The following DMC1 variants were observed in gnomAD, a reference collection of about 807,000 sequenced individuals.
DMC1 encodes DNA meiotic recombinase 1.
A neutral mutation model predicts 50.1 loss-of-function variants in DMC1; 27 were observed. The ratio of observed to expected loss-of-function variants is 0.54; its 90% CI spans 0.40 to 0.74. The LOEUF (loss-of-function observed/expected upper bound fraction) is 0.74. DMC1 is among the 30% of genes least tolerant of loss of function. DMC1 has a pLI of 0.00. For missense variants in DMC1, 295 were observed against 420.2 expected (o/e 0.70, Z 2.60); for synonymous variants, 148 against 136.1 (o/e 1.09, Z -0.61).
At chr22:38,535,863 C>T (rs939541786) in intron 12 of DMC1, among the ~76,000 whole-genome samples, 5 of 151,826 alleles carry the variant, frequency 3.3e-5, no homozygotes, top group Non-Finnish European at 5.9e-5. Context: ...CCACCTCGGC[C>T]TCCCAAAGTG....
chr22:38,566,274 G>C (rs975780683), intron 4 of DMC1, among the ~76,000 whole-genome samples: 1 of 67,682 alleles, frequency 1.5e-5, no homozygotes, highest in Non-Finnish European at 3.4e-5. Flanking sequence ...CTCTGTCTCA[G>C]AAAAAAAAAA....
At chr22:38,547,104 G>A (rs2090351609) in intron 8 of DMC1, among the ~76,000 whole-genome samples, 1 of 152,138 alleles carries the variant, frequency 6.6e-6, no homozygotes, top group Non-Finnish European at 1.5e-5. Context: ...GTCTTGCTAT[G>A]TTGCCCAGGC....
chr22:38,525,209 C>T (rs62228905), intron 12 of DMC1, among the ~76,000 whole-genome samples: 13,351 of 152,196 alleles, frequency 0.088, 1,417 homozygotes, highest in African/African-American at 0.25. Flanking sequence ...ACAGGGTACT[C>T]CATAAATATT....
At chr22:38,558,260 A>G (rs917561922) in intron 5 of DMC1, among the ~76,000 whole-genome samples, 1 of 151,946 alleles carries the variant, frequency 6.6e-6, no homozygotes. Context: ...TAAAGTTCTT[A>G]AAGAAAATAC....
Position 38,521,708 on chromosome 22 carries a change from T to A in DMC1, c.853A>T (p.Lys285Ter). 2 of 1,613,654 alleles carry A rather than the reference T, an allele frequency of 1.2e-6. No homozygotes were observed. Among genetic ancestry groups the A allele is most frequent in the Non-Finnish European group, 1.7e-6 (2 of 1,179,584 alleles). Residue 285 changes from lysine (K) to a stop codon, truncating the protein, a stop_gained, in exon 13 of 14, where the codon AAA becomes TAA. Transcript: ENST00000216024. LOFTEE classifies it high-confidence loss of function. Reference protein sequence around the residue: ...GATMTFQADPKKPIGGHILAH... With the variant: ...GATMTFQADP ...AGAATGTGTCCCCCAATGGGTTTTT[T>A]GGGATCTGCCTGAAAGCTGAATTAA...
At chr22:38,538,804 G>A (rs2090247623) in intron 9 of DMC1, among the ~76,000 whole-genome samples, 192 bp from the exon 10 acceptor site, 1 of 152,178 alleles carries the variant, frequency 6.6e-6, no homozygotes, top group South Asian at 2.1e-4. Context: ...GGAGGCCGAG[G>A]CAGGTGGATC....
At position 38,521,685 on chromosome 22, in the gene DMC1, A is replaced by G; in HGVS notation, c.876T>C (p.Ile292=). 6.2e-7 allele frequency: 1 copy of G among 1,614,016 alleles called. No homozygotes were observed. Among genetic ancestry groups the G allele is most frequent in the Non-Finnish European group, 8.5e-7 (1 of 1,179,964 alleles). The part of the protein sequence containing the change: ...ADPKKPIGGH[I]LAHASTTRIS... ...TTCTTGTTGTTGAAGCATGAGCCAGAATGTGTCCCCCAATGGGTTTTTTGG... is the reference window on the plus strand; with the variant it reads ...TTCTTGTTGTTGAAGCATGAGCCAGGATGTGTCCCCCAATGGGTTTTTTGG... Residue 292 remains isoleucine, a synonymous_variant, in exon 13 of 14, where the codon ATT becomes ATC. Transcript: ENST00000216024.
At chr22:38,510,542 A>G in the DMC1 span, among the ~76,000 whole-genome samples, 7 of 152,334 alleles carry the variant, frequency 4.6e-5, no homozygotes, top group African/African-American at 1.7e-4. Context: ...TTACAAGTAT[A>G]TCCTGCCAAG....
downstream of DMC1, among the ~76,000 whole-genome samples, chr22:38,515,082 G>T (rs1355605430): frequency 2.0e-5 from 3 of 149,484 alleles, no homozygotes; most frequent in Non-Finnish European, 4.5e-5. Context: ...TGGTCAGGCT[G>T]GTCTTGAACT....
intron 5 of DMC1, among the ~76,000 whole-genome samples, chr22:38,559,658 A>G (rs1172202745): frequency 6.6e-6 from 1 of 152,132 alleles, no homozygotes; most frequent in Non-Finnish European, 1.5e-5. Context: ...CTTGGGATAA[A>G]CTAGAGAACA....
the DMC1 span, among the ~76,000 whole-genome samples, chr22:38,512,585 T>G: frequency 5.3e-5 from 8 of 152,216 alleles, no homozygotes; most frequent in Non-Finnish European, 1.2e-4. Flanking sequence ...TCTCAAAATA[T>G]TGAAGCCTGG....
intron 12 of DMC1, among the ~76,000 whole-genome samples, chr22:38,523,858 A>G (rs2090057648): frequency 6.6e-6 from 1 of 152,200 alleles, no homozygotes; most frequent in Admixed American, 6.6e-5. Context: ...TGGTGTTTTC[A>G]CAGAAGTTAA....
chr22:38,546,120 G>C (rs558009885), intron 8 of DMC1: 1 of 152,274 alleles, frequency 6.6e-6, no homozygotes, highest in African/African-American at 2.4e-5. Flanking sequence ...GCCGGGCATC[G>C]TGGCTCACGC....
chr22:38,514,271 T>G (rs2089961302), downstream of DMC1, among the ~76,000 whole-genome samples: 1 of 145,526 alleles, frequency 6.9e-6, no homozygotes. Context: ...TTTTTTTTTT[T>G]TGTGAGATGG....
At chr22:38,560,619 A>G (rs756638819) in intron 5 of DMC1, among the ~76,000 whole-genome samples, 28 of 152,116 alleles carry the variant, frequency 1.8e-4, no homozygotes, top group Non-Finnish European at 5.9e-5. Context: ...CCAGTGAGGT[A>G]ACAGTAGAGG....
the DMC1 span, among the ~76,000 whole-genome samples, chr22:38,511,240 G>A: frequency 6.6e-6 from 1 of 152,206 alleles, no homozygotes; most frequent in East Asian, 1.9e-4. Flanking sequence ...TGTAAAGAAT[G>A]CTAATTGCTT....
chr22:38,568,670 C>A (rs1020457958), intron 1 of DMC1, among the ~76,000 whole-genome samples: 1 of 152,084 alleles, frequency 6.6e-6, no homozygotes, highest in Non-Finnish European at 1.5e-5. Context: ...TTATGTTTAA[C>A]AACAATACTC....
chr22:38,518,362 T>G (rs2069952106), downstream of DMC1, among the ~76,000 whole-genome samples: 1 of 152,222 alleles, frequency 6.6e-6, no homozygotes, highest in African/African-American at 2.4e-5. Flanking sequence ...TCCTAAATAT[T>G]AGTCTTTTCT....
chr22:38,550,103 G>C (rs1020993625), intron 7 of DMC1, 106 bp from the exon 8 acceptor site: 9 of 796,602 alleles, frequency 1.1e-5, no homozygotes, highest in Non-Finnish European at 1.9e-5. Context: ...AGTACATTTT[G>C]CAAAGAGTCA....
Sources: allele counts gnomAD v4.1 joint callset (sites outside exome capture counted in the v4.1 genomes callset), GRCh38; gene constraint gnomAD v4.1.1; transcripts MANE v1.5; gene names NCBI Gene and HGNC (gene_info 2026-07-23, HGNC 2026-07-21).